Variants in CDH13 observed in about 807,000 individuals in gnomAD.
The protein encoded by CDH13 is cadherin-13.
In CDH13, 24 loss-of-function variants were observed where a neutral mutation model predicts 63.8. The ratio of observed to expected loss-of-function variants is 0.38; its 90% CI spans 0.27 to 0.53. The LOEUF is 0.53. CDH13 is among the 20% of genes least tolerant of loss of function. CDH13 has a pLI of 0.85. For missense variants in CDH13, 1,049 were observed against 903.1 expected, an observed-to-expected ratio of 1.16 and a Z score of -2.07; for synonymous variants, 503 against 355.3, an observed-to-expected ratio of 1.42 and a Z score of -4.67.
intron 1 of CDH13, among the ~76,000 whole-genome samples, chr16:82,741,712 A>G (rs866592571): frequency 3.3e-5 from 5 of 152,364 alleles, no homozygotes; most frequent in Middle Eastern, 6.8e-3. Context: ...CAACCTCGCC[A>G]TTAATTAAAG....
At chr16:83,029,870 A>C (rs1465867978) in intron 2 of CDH13, among the ~76,000 whole-genome samples, 1 of 152,154 alleles carries the variant, frequency 6.6e-6, no homozygotes, top group Non-Finnish European at 1.5e-5. Flanking sequence ...GCTTCAATTA[A>C]AGGTTTACTA....
intron 11 of CDH13, among the ~76,000 whole-genome samples, chr16:83,778,122 T>G (rs1410183119): frequency 6.6e-6 from 1 of 152,250 alleles, no homozygotes. Flanking sequence ...TAGAAACTAC[T>G]AACAAATGGT....
At chr16:83,093,656 C>G (rs570949694) in intron 3 of CDH13, among the ~76,000 whole-genome samples, 3 of 152,180 alleles carry the variant, frequency 2.0e-5, no homozygotes, top group South Asian at 2.1e-4. Flanking sequence ...TTATTTCAAA[C>G]AATATGGGAA....
chr16:83,790,387 C>T (rs1916178621), intron 13 of CDH13, among the ~76,000 whole-genome samples: 1 of 151,944 alleles, frequency 6.6e-6, no homozygotes, highest in South Asian at 2.1e-4. Flanking sequence ...TTTTTACTGT[C>T]AGTTTTTTTT....
chr16:83,527,752 T>C (rs2074997196), intron 7 of CDH13, among the ~76,000 whole-genome samples: 1 of 152,214 alleles, frequency 6.6e-6, no homozygotes, highest in Non-Finnish European at 1.5e-5. Flanking sequence ...ACCCTATAAA[T>C]GCCAGCACCT....
chr16:82,758,153 C>T (rs1031235597), intron 1 of CDH13, among the ~76,000 whole-genome samples: 1 of 151,930 alleles, frequency 6.6e-6, no homozygotes, highest in African/African-American at 2.4e-5. Context: ...TGGGAAAAGA[C>T]CTGGTCAAAA....
intron 7 of CDH13, chr16:83,508,502 C>T (rs150045618): frequency 6.5e-6 from 1 of 152,928 alleles, no homozygotes; most frequent in East Asian, 1.9e-4. Context: ...CTGGACTTTC[C>T]TCTGACCATG....
At chr16:82,802,622 C>T (rs1431517924) in intron 1 of CDH13, among the ~76,000 whole-genome samples, 2 of 152,096 alleles carry the variant, frequency 1.3e-5, no homozygotes, top group Admixed American at 1.3e-4. Flanking sequence ...ATGCCCTTTT[C>T]CTATTCTTTG....
intron 4 of CDH13, among the ~76,000 whole-genome samples, chr16:83,179,943 A>C (rs1161859399): frequency 6.6e-6 from 1 of 151,998 alleles, no homozygotes; most frequent in Non-Finnish European, 1.5e-5. Context: ...ATGGGAGAAT[A>C]GCTTACTTTC....
intron 6 of CDH13, among the ~76,000 whole-genome samples, chr16:83,460,344 C>A (rs781702627): frequency 1.3e-5 from 2 of 152,184 alleles, no homozygotes; most frequent in African/African-American, 2.4e-5. Flanking sequence ...CATTATCTAC[C>A]AAAGTGGAAG....
At chr16:83,012,116 T>A (rs796110740) in intron 2 of CDH13, among the ~76,000 whole-genome samples, 6 of 152,178 alleles carry the variant, frequency 3.9e-5, no homozygotes, top group African/African-American at 1.2e-4. Context: ...TAAAAAACTT[T>A]AGGAATTCAG....
chr16:83,503,622 G>A (rs2074333015), intron 7 of CDH13, among the ~76,000 whole-genome samples: 1 of 152,166 alleles, frequency 6.6e-6, no homozygotes, highest in Admixed American at 6.5e-5. Flanking sequence ...CCACTTTTGT[G>A]CAATAGGAAA....
intron 7 of CDH13, among the ~76,000 whole-genome samples, chr16:83,597,282 G>A (rs1402774548): frequency 1.3e-5 from 2 of 151,986 alleles, no homozygotes; most frequent in South Asian, 4.2e-4. Context: ...CATCCAGTAG[G>A]GATTGACTAA....
chr16:83,492,497 T>C (rs1176026358), intron 7 of CDH13, among the ~76,000 whole-genome samples: 1 of 151,834 alleles, frequency 6.6e-6, no homozygotes, highest in Non-Finnish European at 1.5e-5. Context: ...TTTTCCCCAT[T>C]TTTTTTATCA....
At chr16:83,691,999 T>C (rs1213386053) in intron 10 of CDH13, among the ~76,000 whole-genome samples, 1 of 152,088 alleles carries the variant, frequency 6.6e-6, no homozygotes, top group Non-Finnish European at 1.5e-5. Context: ...ATTAGGAAGA[T>C]TCAGGAAATT....
At chr16:83,187,416 G>A (rs934566423) in intron 4 of CDH13, among the ~76,000 whole-genome samples, 9 of 151,998 alleles carry the variant, frequency 5.9e-5, no homozygotes, top group Admixed American at 1.3e-4. Flanking sequence ...CATTTTTCCC[G>A]TCATCAGTGA....
At chr16:82,979,618 G>A (rs1486024517) in intron 2 of CDH13, among the ~76,000 whole-genome samples, 2 of 152,146 alleles carry the variant, frequency 1.3e-5, no homozygotes, top group African/African-American at 4.8e-5. Flanking sequence ...CTTCCACCAT[G>A]ATCATAGTTT....
intron 2 of CDH13, among the ~76,000 whole-genome samples, chr16:82,933,410 C>T (rs566191812): frequency 6.6e-6 from 1 of 152,168 alleles, no homozygotes; most frequent in East Asian, 1.9e-4. Context: ...AATCACCACT[C>T]ATGAGGTCCC....
chr16:83,565,626 T>C (rs1020467510), intron 7 of CDH13, among the ~76,000 whole-genome samples: 3 of 151,922 alleles, frequency 2.0e-5, no homozygotes, highest in Admixed American at 6.6e-5. Flanking sequence ...TGGATTTTCA[T>C]CTCCTTCTTC....
Sources: gnomAD v4.1 joint callset for allele counts (sites outside exome capture counted in the v4.1 genomes callset) on GRCh38, gnomAD v4.1.1 for gene constraint, MANE v1.5 for transcripts, NCBI Gene and HGNC (gene_info 2026-07-23, HGNC 2026-07-21) for gene names.